The following UGGT2 variants were observed in gnomAD, a reference collection of about 807,000 sequenced individuals.
UGGT2 encodes UDP-glucose:glycoprotein glucosyltransferase 2.
Under a neutral mutation model 192.1 loss-of-function variants are expected in UGGT2, and 180 were observed. That is an observed-to-expected ratio of 0.94 (90% confidence interval 0.83 to 1.06). UGGT2 has a LOEUF of 1.06. Ranked by LOEUF, UGGT2 falls within the 50% of genes least tolerant of loss-of-function variation. The probability of loss-of-function intolerance (pLI) is 0.00; values close to 1 mark genes in which losing one functional copy is unlikely to be tolerated. For synonymous variants in UGGT2, 580 were observed against 591.0 expected, an observed-to-expected ratio of 0.98 and a Z score of 0.27; for missense variants, 1,849 against 1,795.7, an observed-to-expected ratio of 1.03 and a Z score of -0.54.
chr13:95,867,957 T>C (rs1890829042), intron 29 of UGGT2, among the ~76,000 whole-genome samples: 1 of 152,166 alleles, frequency 6.6e-6, no homozygotes, highest in South Asian at 2.1e-4. Context: ...GTATTATGTA[T>C]AATGCAGTTT....
At chr13:95,901,929 T>C (rs1372303005) in intron 21 of UGGT2, among the ~76,000 whole-genome samples, 3 of 152,156 alleles carry the variant, frequency 2.0e-5, no homozygotes, top group Admixed American at 6.6e-5. Context: ...TCTATCATCC[T>C]TCCCATGGCG....
chr13:95,996,999 T>C (rs1188768846), intron 6 of UGGT2, among the ~76,000 whole-genome samples: 1 of 152,176 alleles, frequency 6.6e-6, no homozygotes, highest in African/African-American at 2.4e-5. Flanking sequence ...CCTCTTATAG[T>C]GTGTGGGGTG....
intron 17 of UGGT2, among the ~76,000 whole-genome samples, chr13:95,932,018 T>G (rs2049298215): frequency 6.6e-6 from 1 of 152,220 alleles, no homozygotes; most frequent in South Asian, 2.1e-4. Flanking sequence ...ATTTGTTCTT[T>G]TTCTTGGAAT....
chr13:96,036,034 G>T (rs999240464), intron 1 of UGGT2, among the ~76,000 whole-genome samples: 5 of 152,148 alleles, frequency 3.3e-5, no homozygotes, highest in Non-Finnish European at 7.3e-5. Flanking sequence ...AATACCATTT[G>T]ACCCAGCAAT....
Position 95,949,584 on chromosome 13 carries a change from G to A in UGGT2, c.1336-130C>T, listed in dbSNP as rs1411556. On this transcript the variant is annotated intron_variant, in intron 12 of 38. Transcript: ENST00000376747. Reference sequence around the variant, plus strand: ...TCTATATTTCTGATTAAATAGAGGAGCTAGTTTAATATTCTCTAAATTAAG... The same window carrying A: ...TCTATATTTCTGATTAAATAGAGGAACTAGTTTAATATTCTCTAAATTAAG... 4.3e-3 allele frequency: 3,939 copies of A among 918,360 alleles called. 114 individuals carry two copies. The African/African-American group carries it at 0.062, about 15-fold the overall frequency. 56.9% of individuals were successfully genotyped at this position (918,360 alleles called of 1,614,324 possible). A position where few individuals can be genotyped will look rare whatever the true frequency, so the allele number is the denominator to read the frequency against.
chr13:95,915,377 T>A (rs1396560003), intron 20 of UGGT2, among the ~76,000 whole-genome samples: 1 of 152,236 alleles, frequency 6.6e-6, no homozygotes, highest in Non-Finnish European at 1.5e-5. Flanking sequence ...AATTTACATA[T>A]GTCTATCACT....
intron 29 of UGGT2, among the ~76,000 whole-genome samples, chr13:95,874,082 T>C (rs1891450544): frequency 6.6e-6 from 1 of 152,186 alleles, no homozygotes; most frequent in African/African-American, 2.4e-5. Flanking sequence ...AAAACAGCAT[T>C]GTTCAACCGC....
At chr13:95,874,935 C>G (rs1891537159) in intron 29 of UGGT2, among the ~76,000 whole-genome samples, 2 of 152,148 alleles carry the variant, frequency 1.3e-5, no homozygotes, top group Admixed American at 6.5e-5. Flanking sequence ...AAGCAGTCCT[C>G]CCACCTTGGC....
At chr13:95,998,278 A>C (rs991495172) in intron 6 of UGGT2, among the ~76,000 whole-genome samples, 23 of 152,250 alleles carry the variant, frequency 1.5e-4, no homozygotes, top group African/African-American at 5.5e-4. Flanking sequence ...AAAATGCCTT[A>C]AATTGCTATC....
At chr13:95,936,219 A>G (rs1286556069) in intron 17 of UGGT2, among the ~76,000 whole-genome samples, 2 of 152,244 alleles carry the variant, frequency 1.3e-5, no homozygotes, top group Non-Finnish European at 2.9e-5. Context: ...GGTCCAGTCT[A>G]TTGATAAAGC....
intron 31 of UGGT2, among the ~76,000 whole-genome samples, chr13:95,861,101 T>C (rs1415127402): frequency 6.6e-6 from 1 of 152,112 alleles, no homozygotes; most frequent in African/African-American, 2.4e-5. Flanking sequence ...ATAACTATAT[T>C]GTCTTTAGGT....
At chr13:95,805,151 G>A (rs1001887650) in intron 38 of UGGT2, among the ~76,000 whole-genome samples, 1 of 151,846 alleles carries the variant, frequency 6.6e-6, no homozygotes, top group African/African-American at 2.4e-5. Context: ...TTTCTTCAAA[G>A]ATGATATACA....
intron 27 of UGGT2, among the ~76,000 whole-genome samples, chr13:95,882,178 G>T (rs1430761522): frequency 6.6e-6 from 1 of 151,912 alleles, no homozygotes; most frequent in African/African-American, 2.4e-5. Context: ...AAAGTGCTGG[G>T]ATTACAGGCG....
intron 36 of UGGT2, among the ~76,000 whole-genome samples, chr13:95,853,112 C>A (rs191734396): frequency 6.6e-6 from 1 of 152,164 alleles, no homozygotes; most frequent in African/African-American, 2.4e-5. Flanking sequence ...GGCACTCATT[C>A]TCTCTCCTGC....
intron 27 of UGGT2, among the ~76,000 whole-genome samples, chr13:95,882,598 A>C (rs2047524961): frequency 6.6e-6 from 1 of 152,140 alleles, no homozygotes; most frequent in Admixed American, 6.5e-5. Context: ...AGAATTTATA[A>C]TCTCCTTTTG....
At chr13:95,911,496 A>G (rs2048496210) in intron 20 of UGGT2, among the ~76,000 whole-genome samples, 1 of 152,236 alleles carries the variant, frequency 6.6e-6, no homozygotes, top group Non-Finnish European at 1.5e-5. Flanking sequence ...AGAAATGGAT[A>G]AATTCCTGGA....
chr13:95,894,709 T>G, intron 23 of UGGT2, 52 bp from the exon 24 acceptor site: 1 of 1,429,414 alleles, frequency 7.0e-7, no homozygotes, highest in Non-Finnish European at 9.8e-7. Flanking sequence ...AGTTCCATAT[T>G]TCATGTTACA....
At chr13:96,014,693 T>C (rs1270756066) in intron 4 of UGGT2, among the ~76,000 whole-genome samples, 1 of 152,190 alleles carries the variant, frequency 6.6e-6, no homozygotes, top group East Asian at 1.9e-4. Context: ...GAATTTGCTG[T>C]CTTTCTTCAT....
chr13:96,012,932 A>G (rs921755591), intron 5 of UGGT2, among the ~76,000 whole-genome samples: 1 of 152,086 alleles, frequency 6.6e-6, no homozygotes, highest in African/African-American at 2.4e-5. Context: ...TCAGGTCTCA[A>G]AAGAAAGAGT....
Sources: allele counts gnomAD v4.1 joint callset (sites outside exome capture counted in the v4.1 genomes callset), GRCh38; gene constraint gnomAD v4.1.1; transcripts MANE v1.5; gene names NCBI Gene and HGNC (gene_info 2026-07-23, HGNC 2026-07-21).